PACS1: variants seen among roughly 807,000 people sequenced by gnomAD.
The protein encoded by PACS1 is PACS-1.
A neutral mutation model predicts 115.0 loss-of-function variants in PACS1; 24 were observed. The observed-to-expected ratio is 0.21, with a 90% confidence interval of 0.15 to 0.29. The LOEUF (loss-of-function observed/expected upper bound fraction) is 0.29, where lower values mean the gene tolerates loss of function less well. PACS1 is among the 10% of genes least tolerant of loss of function. The probability of loss-of-function intolerance (pLI) is 1.00; values close to 1 mark genes in which losing one functional copy is unlikely to be tolerated. For missense variants in PACS1, 838 were observed against 1,251.2 expected (o/e 0.67, Z 4.98); for synonymous variants, 453 against 504.5 (o/e 0.90, Z 1.37).
intron 1 of PACS1, among the ~76,000 whole-genome samples, chr11:66,167,280 C>A (rs1320284071): frequency 6.7e-6 from 1 of 148,184 alleles, no homozygotes; most frequent in Non-Finnish European, 1.5e-5. Context: ...AGTTCTTTCC[C>A]TTTGTCAGTA....
Position 66,077,207 on chromosome 11 carries a change from G to A in PACS1, c.356+6365G>A, listed in dbSNP as rs117998329. Among the ~76,000 whole-genome samples the A allele has an allele frequency of 4.9e-4, 74 of 152,306 alleles. 1 individual carries two copies. In the East Asian group the frequency reaches 0.013, roughly 27 times the overall value. ...ACCCTGCCTCTTGACCTTGGGAATC[G>A]CAGTAGAACAGACAGCTAACCAATG... is the stretch of plus-strand genomic sequence containing the variant. On this transcript the variant is annotated intron_variant, in intron 1 of 23. Coordinates refer to ENST00000320580, the MANE Select transcript of PACS1 (RefSeq NM_018026.4).
chr11:66,122,059 AGAG>A (rs1200735723), intron 1 of PACS1, among the ~76,000 whole-genome samples: 1 of 152,212 alleles, frequency 6.6e-6, no homozygotes, highest in African/African-American at 2.4e-5. Context: ...TCAACATTTC[AGAG>A]GACAGGCTGA....
intron 10 of PACS1, 184 bp downstream of exon 10, chr11:66,221,431 A>G (rs1025906065): frequency 1.8e-5 from 11 of 600,432 alleles, no homozygotes; most frequent in Non-Finnish European, 2.4e-5. Context: ...GCAGATCATG[A>G]GGTCAAGAGA....
At chr11:66,202,420 G>A (rs1854821656) in intron 2 of PACS1, among the ~76,000 whole-genome samples, 1 of 151,990 alleles carries the variant, frequency 6.6e-6, no homozygotes, top group Admixed American at 6.6e-5. Flanking sequence ...GATGACCACT[G>A]ATACAAAAAT....
At chr11:66,156,796 C>T (rs866469519) in intron 1 of PACS1, among the ~76,000 whole-genome samples, 4 of 150,466 alleles carry the variant, frequency 2.7e-5, no homozygotes, top group Non-Finnish European at 5.9e-5. Flanking sequence ...GGAGCTTGCG[C>T]GAGCCGAGAT....
At chr11:66,081,724 C>A (rs1433537938) in intron 1 of PACS1, among the ~76,000 whole-genome samples, 2 of 152,238 alleles carry the variant, frequency 1.3e-5, no homozygotes, top group Non-Finnish European at 2.9e-5. Flanking sequence ...GACTTGACAG[C>A]TTCCCTGTTT....
chr11:66,241,764 C>T, intron 22 of PACS1, 111 bp downstream of exon 22: 2 of 820,960 alleles, frequency 2.4e-6, no homozygotes, highest in South Asian at 3.4e-5. Context: ...AGAAGCATCC[C>T]ATGGTCTGGC....
chr11:66,161,374 G>C (rs941760524), intron 1 of PACS1, among the ~76,000 whole-genome samples: 1 of 152,110 alleles, frequency 6.6e-6, no homozygotes, highest in South Asian at 2.1e-4. Flanking sequence ...GATCATAAGA[G>C]CCCAGGAGTT....
chr11:66,113,929 T>G (rs1351381719), intron 1 of PACS1, among the ~76,000 whole-genome samples: 2 of 152,216 alleles, frequency 1.3e-5, no homozygotes, highest in East Asian at 3.9e-4. Flanking sequence ...ACACATAGGG[T>G]ATGATGTGAA....
chr11:66,180,346 T>C (rs1238897441), intron 1 of PACS1, among the ~76,000 whole-genome samples: 1 of 151,758 alleles, frequency 6.6e-6, no homozygotes, highest in Non-Finnish European at 1.5e-5. Context: ...GTCTCTTTCT[T>C]TCAGCTTTTT....
intron 1 of PACS1, among the ~76,000 whole-genome samples, chr11:66,140,772 A>G (rs1488474169): frequency 3.3e-5 from 5 of 152,082 alleles, no homozygotes; most frequent in Admixed American, 1.3e-4. Context: ...ATTTATTTAT[A>G]TATAATTATA....
chr11:66,238,650 G>A (rs1855750202), intron 19 of PACS1, 154 bp from the exon 20 acceptor site: 6 of 714,766 alleles, frequency 8.4e-6, no homozygotes, highest in South Asian at 3.4e-5. Context: ...ACAGGCATAA[G>A]CCACCACGCC....
chr11:66,095,701 A>G (rs1590740368), intron 1 of PACS1, among the ~76,000 whole-genome samples: 1 of 152,000 alleles, frequency 6.6e-6, no homozygotes, highest in South Asian at 2.1e-4. Flanking sequence ...CAAGTGATCC[A>G]CCCGCCTTGG....
intron 1 of PACS1, among the ~76,000 whole-genome samples, chr11:66,148,536 A>G (rs1859173133): frequency 6.6e-6 from 1 of 152,232 alleles, no homozygotes; most frequent in Non-Finnish European, 1.5e-5. Context: ...TAACTTTGTA[A>G]TAACTAAGAA....
At chr11:66,234,867 G>A (rs969809925) in intron 17 of PACS1, among the ~76,000 whole-genome samples, 4 of 152,002 alleles carry the variant, frequency 2.6e-5, no homozygotes, top group African/African-American at 9.7e-5. Flanking sequence ...GTGAAACTCC[G>A]TCTCAAAAGT....
At chr11:66,177,129 A>C (rs1006658602) in intron 1 of PACS1, among the ~76,000 whole-genome samples, 2 of 152,206 alleles carry the variant, frequency 1.3e-5, no homozygotes, top group Non-Finnish European at 2.9e-5. Flanking sequence ...GCAAAAAGGA[A>C]AAGGAAGATT....
At chr11:66,185,291 G>A (rs1860100430) in intron 1 of PACS1, among the ~76,000 whole-genome samples, 1 of 152,170 alleles carries the variant, frequency 6.6e-6, no homozygotes, top group South Asian at 2.1e-4. Flanking sequence ...CCTATGTAGA[G>A]AGGAAGATTA....
In PACS1 at chr11:66,241,663, C is replaced by T. The variant is rs1282755197; in HGVS notation, c.2656+10C>T. The T allele has an allele frequency of 6.2e-7, 1 of 1,604,678 alleles. No individual in the cohort carries two copies. The highest frequency in any genetic ancestry group is 8.5e-7 in the Non-Finnish European group (1 of 1,172,346). ...GAAAAGAACAAGAAAGGTAAGTACC[C>T]CCAAGGCCGGGGAAGACCATGGGCC... On this transcript the variant is annotated intron_variant, in intron 22 of 23. Coordinates refer to ENST00000320580, the MANE Select transcript of PACS1 (RefSeq NM_018026.4).
Position 66,193,622 on chromosome 11 carries a change from C to G in PACS1, c.444+49C>G, listed in dbSNP as rs537972406. 2.0e-5 allele frequency: 27 copies of G among 1,323,536 alleles called. No homozygotes were observed. In the Admixed American group the frequency reaches 3.2e-4, roughly 16 times the overall value. 82.0% of individuals were successfully genotyped at this position (1,323,536 alleles called of 1,614,324 possible). A position where few individuals can be genotyped will look rare whatever the true frequency, so the allele number is the denominator to read the frequency against. On this transcript the variant is annotated intron_variant, in intron 2 of 23. Transcript: ENST00000320580. ...TCAGGGCCCAGGGAAGCTGGATAAC[C>G]ATTTGCCCACTGCTGCGGCTTCAGA...
Sources: gnomAD v4.1 joint callset for allele counts (sites outside exome capture counted in the v4.1 genomes callset) on GRCh38, gnomAD v4.1.1 for gene constraint, MANE v1.5 for transcripts, NCBI Gene and HGNC (gene_info 2026-07-23, HGNC 2026-07-21) for gene names.